The following SLC37A3 variants were observed in gnomAD, a reference collection of about 807,000 sequenced individuals.
The protein encoded by SLC37A3 is sugar phosphate exchanger 3.
A neutral mutation model predicts 67.1 loss-of-function variants in SLC37A3; 51 were observed. The ratio of observed to expected loss-of-function variants is 0.76; its 90% CI spans 0.61 to 0.96. SLC37A3 has a LOEUF of 0.96. SLC37A3 is among the 40% of genes least tolerant of loss of function. SLC37A3 has a pLI of 0.00. For missense variants in SLC37A3, 508 were observed against 603.0 expected (o/e 0.84, Z 1.65); for synonymous variants, 214 against 231.4 (o/e 0.92, Z 0.68).
chr7:140,374,995 A>T (rs998765303), intron 3 of SLC37A3, among the ~76,000 whole-genome samples: 2 of 151,848 alleles, frequency 1.3e-5, no homozygotes, highest in Admixed American at 1.3e-4. Flanking sequence ...AAAATACAAA[A>T]ATTAGCCAGG....
chr7:140,369,079 C>G (rs1186581931), intron 4 of SLC37A3, among the ~76,000 whole-genome samples: 2 of 152,124 alleles, frequency 1.3e-5, no homozygotes, highest in East Asian at 1.9e-4. Flanking sequence ...CCCTACAGAT[C>G]TGAGCCCCAC....
At chr7:140,361,386 G>A (rs1315211905) in intron 5 of SLC37A3, among the ~76,000 whole-genome samples, 1 of 151,976 alleles carries the variant, frequency 6.6e-6, no homozygotes, top group African/African-American at 2.4e-5. Flanking sequence ...GGAGGCTGAG[G>A]CATGAGAATC....
chr7:140,374,873 C>T (rs778729136), intron 3 of SLC37A3, among the ~76,000 whole-genome samples: 15 of 151,712 alleles, frequency 9.9e-5, no homozygotes, highest in Non-Finnish European at 1.5e-4. Flanking sequence ...ACAAGGCCAG[C>T]GCGGTGGCTC....
chr7:140,356,105 A>C (rs1585286796), intron 6 of SLC37A3, among the ~76,000 whole-genome samples: 1 of 151,876 alleles, frequency 6.6e-6, no homozygotes, highest in African/African-American at 2.4e-5. Flanking sequence ...GAGGCAAGAG[A>C]ATAGCTTGAA....
chr7:140,373,133 G>T (rs1797890345), intron 3 of SLC37A3, among the ~76,000 whole-genome samples: 1 of 152,034 alleles, frequency 6.6e-6, no homozygotes, highest in South Asian at 2.1e-4. Flanking sequence ...TGTATTTTTA[G>T]TAGACACAGG....
intron 1 of SLC37A3, among the ~76,000 whole-genome samples, chr7:140,386,561 G>C (rs1034511267): frequency 1.3e-5 from 2 of 151,942 alleles, no homozygotes; most frequent in African/African-American, 2.4e-5. Context: ...AGGAGTTTTT[G>C]TCAAGTCTGA....
chr7:140,351,304 T>C lies in SLC37A3; in HGVS notation c.851A>G (p.Tyr284Cys). 6.2e-7 allele frequency: 1 copy of C among 1,614,160 alleles called. No individual in the cohort carries two copies. The highest frequency in any genetic ancestry group is 8.5e-7 in the Non-Finnish European group (1 of 1,179,998). The change falls in exon 9 of 15, where the codon TAC (tyrosine) becomes TGC (cysteine). Residue 284 changes from tyrosine to cysteine, a missense_variant. Coordinates refer to ENST00000326232, the MANE Select transcript of SLC37A3 (RefSeq NM_207113.3). ...GACTCCAGGAAGGCAACATGCCTGG[T>C]AGAAGCTTATCGCCTTGACTTGGGC... ...SVAQVKAISF[Y>C]QACCLPGVIP...
At chr7:140,397,837 C>T (rs1382484553) in intron 1 of SLC37A3, among the ~76,000 whole-genome samples, 3 of 152,094 alleles carry the variant, frequency 2.0e-5, no homozygotes, top group African/African-American at 7.2e-5. Flanking sequence ...GGACACATTC[C>T]CATTATCTCC....
At chr7:140,343,633 A>G in intron 12 of SLC37A3, 70 bp from the exon 13 acceptor site, 1 of 1,480,882 alleles carries the variant, frequency 6.8e-7, no homozygotes, top group Non-Finnish European at 9.3e-7. Flanking sequence ...ATAAGGCAAA[A>G]TAATATCCGA....
At position 140,372,862 on chromosome 7, in the gene SLC37A3, CA is replaced by C. The variant is rs765302688; in HGVS notation, c.199-3181del. 1.9e-3 allele frequency among the ~76,000 whole-genome samples: 245 copies of C among 129,298 alleles called. 1 individual carries two copies. In the South Asian group the frequency reaches 0.019, roughly 10 times the overall value. The allele number at this position is 129,298 out of a possible 152,430, so 84.8% of individuals were successfully genotyped here. On this transcript the variant is annotated intron_variant, in intron 3 of 14. Coordinates refer to ENST00000326232, the MANE Select transcript of SLC37A3 (RefSeq NM_207113.3). ...TGGGTGACAGAGTGAGACTCTATCTCAAAAAAAAAAAAGCCAGTGTCACGTA... is the reference window on the plus strand; with the variant it reads ...TGGGTGACAGAGTGAGACTCTATCTCAAAAAAAAAAAGCCAGTGTCACGTA...
In SLC37A3 at chr7:140,347,027, G is replaced by A. The variant is rs538381003; in HGVS notation, c.1025-1057C>T. ...TGTAATCCCAGCACTCTGGGAGGCC[G>A]AGGTGGGCAAATTGCCTGAGCTCAG... On this transcript the variant is annotated intron_variant, in intron 10 of 14. Transcript: ENST00000326232. 1.3e-4 allele frequency among the ~76,000 whole-genome samples: 20 copies of A among 152,048 alleles called. No individual in the cohort carries two copies. In the East Asian group the frequency reaches 2.9e-3, roughly 22 times the overall value.
At chr7:140,359,735 C>T (rs991179204) in intron 5 of SLC37A3, among the ~76,000 whole-genome samples, 7 of 152,098 alleles carry the variant, frequency 4.6e-5, no homozygotes, top group Non-Finnish European at 1.0e-4. Flanking sequence ...TGTCTAGTTC[C>T]AGTTACAAGA....
chr7:140,352,098 T>C lies in SLC37A3; in HGVS notation c.667A>G (p.Ile223Val). The change falls in exon 8 of 15, where the codon ATC (isoleucine) becomes GTC (valine). Residue 223 changes from isoleucine (I) to valine (V), a missense_variant. By Grantham distance (29) the Ile-to-Val change is conservative. Transcript: ENST00000326232. ...GGTGACACCAGGAGTCCAAAGAAGA[T>C]AACGATCCCACCAGCAAACTGCACA... The part of the protein sequence containing the change: ...ASVQFAGGIV[I>V]FFGLLVSPEE... 1.2e-6 allele frequency: 2 copies of C among 1,613,264 alleles called. No individual in the cohort carries two copies. The highest frequency in any genetic ancestry group is 1.7e-6 in the Non-Finnish European group (2 of 1,179,822).
At chr7:140,385,172 A>G (rs764135026) in intron 1 of SLC37A3, among the ~76,000 whole-genome samples, 2 of 152,224 alleles carry the variant, frequency 1.3e-5, no homozygotes, top group Non-Finnish European at 1.5e-5. Flanking sequence ...ACATATTCAG[A>G]TAATTATATT....
chr7:140,339,446 A>G (rs1796270423), intron 13 of SLC37A3, among the ~76,000 whole-genome samples: 2 of 151,440 alleles, frequency 1.3e-5, no homozygotes, highest in Admixed American at 6.6e-5. Flanking sequence ...TTTTTAGTAG[A>G]GACAGGGTTT....
At chr7:140,358,457 T>TAAGTCATCC in intron 6 of SLC37A3, among the ~76,000 whole-genome samples, 183 bp downstream of exon 6, 1 of 152,242 alleles carries the variant, frequency 6.6e-6, no homozygotes, top group South Asian at 2.1e-4. Flanking sequence ...GGATGACTTC[T>TAAGTCATCC]AAGGTCCACA....
intron 3 of SLC37A3, among the ~76,000 whole-genome samples, chr7:140,373,632 T>A (rs893856137): frequency 6.6e-6 from 1 of 152,046 alleles, no homozygotes; most frequent in South Asian, 2.1e-4. Context: ...TTCAAACCTG[T>A]GAAAGGCCAA....
At position 140,366,559 on chromosome 7, in the gene SLC37A3, T is replaced by C. The variant is rs116640619; in HGVS notation, c.292-2068A>G. 5.1e-3 allele frequency among the ~76,000 whole-genome samples: 781 copies of C among 152,138 alleles called. 17 individuals are homozygous for C. The highest frequency in any genetic ancestry group is 0.05 in the South Asian group (239 of 4,818). ...AAATCTAGTCCTATAGATGACTCCA[T>C]AGATGAGGAAACTAAACACCAAAAA... On this transcript the variant is annotated intron_variant, in intron 4 of 14. Transcript: ENST00000326232.
At chr7:140,388,276 T>C (rs895019502) in intron 1 of SLC37A3, among the ~76,000 whole-genome samples, 1 of 150,062 alleles carries the variant, frequency 6.7e-6, no homozygotes, top group African/African-American at 2.5e-5. Context: ...CCAGAAAAAA[T>C]ACAAAAAGTA....
Sources: gnomAD v4.1 joint callset for allele counts (sites outside exome capture counted in the v4.1 genomes callset) on GRCh38, gnomAD v4.1.1 for gene constraint, MANE v1.5 for transcripts, NCBI Gene and HGNC (gene_info 2026-07-23, HGNC 2026-07-21) for gene names.